The following ZNF74 variants were observed in gnomAD, a reference collection of about 807,000 sequenced individuals.
The protein encoded by ZNF74 is zinc finger protein 74.
ZNF74 carries 12 observed loss-of-function variants against 17.7 expected under a neutral mutation model. The observed-to-expected ratio is 0.68, with a 90% CI of 0.43 to 1.10. The LOEUF (loss-of-function observed/expected upper bound fraction) is 1.10. ZNF74 is among the 50% of genes least tolerant of loss of function. The pLI, the probability that ZNF74 is intolerant of heterozygous loss-of-function variation, is 0.00. For missense variants in ZNF74, 811 were observed against 881.0 expected, an observed-to-expected ratio of 0.92 and a Z score of 1.01; for synonymous variants, 358 against 362.1, an observed-to-expected ratio of 0.99 and a Z score of 0.13.
intron 3 of ZNF74, 176 bp downstream of exon 3, chr22:20,400,934 C>CGGCCACGCCAG (rs2052350342): frequency 6.9e-6 from 5 of 726,072 alleles, no homozygotes; most frequent in Non-Finnish European, 1.1e-5. Context: ...CAGAAGTCCC[C>CGGCCACGCCAG]AAGGGACAGC....
At chr22:20,402,144 T>G (rs1343809597) in intron 4 of ZNF74, among the ~76,000 whole-genome samples, 1 of 152,234 alleles carries the variant, frequency 6.6e-6, no homozygotes, top group Non-Finnish European at 1.5e-5. Context: ...AACACCTTTC[T>G]GTGGGAAAGG....
rs771173712 is a variant in ZNF74 at position 20,406,203 on chromosome 22, C to T, written c.1170C>T (p.Cys390=). The change falls in exon 5 of 5, where the codon TGC becomes TGT. Residue 390 remains cysteine, a synonymous_variant. Transcript: ENST00000400451. ...ACACGGGCGAGAAGCCCTACCAGTG[C>T]GGCTCCTGCGGCAAGGCCTTCACCT... is the stretch of plus-strand genomic sequence containing the variant. The part of the protein sequence containing the change: ...RIHTGEKPYQ[C]GSCGKAFTCH... 10 of 1,613,148 alleles carry T rather than the reference C, an allele frequency of 6.2e-6. No homozygotes were observed. Among genetic ancestry groups the T allele is most frequent in the Non-Finnish European group, 7.6e-6 (9 of 1,179,960 alleles).
chr22:20,394,475 C>T lies in ZNF74; in HGVS notation c.-154C>T. 1.4e-6 allele frequency: 1 copy of T among 729,582 alleles called. No individual in the cohort carries two copies. The highest frequency in any genetic ancestry group is 2.3e-6 in the Non-Finnish European group (1 of 432,578). 45.2% of individuals were successfully genotyped at this position (729,582 alleles called of 1,614,324 possible). A position where few individuals can be genotyped will look rare whatever the true frequency, so the allele number is the denominator to read the frequency against. ...CCGGGCGCGGGGAGGGGGCTCCGTG[C>T]GTGTGATCGTGCAGCTGTGAGCGCG... is the stretch of plus-strand genomic sequence containing the variant. On this transcript the variant is annotated 5_prime_UTR_variant, in exon 1 of 5. Coordinates refer to ENST00000400451, the MANE Select transcript of ZNF74 (RefSeq NM_003426.4).
At position 20,405,399 on chromosome 22, in the gene ZNF74, C is replaced by T. The variant is rs2052402288; in HGVS notation, c.366C>T (p.Pro122=). 6.2e-7 allele frequency: 1 copy of T among 1,610,700 alleles called. No homozygotes were observed. Among genetic ancestry groups the T allele is most frequent in the Non-Finnish European group, 8.5e-7 (1 of 1,179,278 alleles). The part of the protein sequence containing the change: ...PCPEWELKAV[P]SQQQGICKEE... ...CAGAATGGGAGCTGAAGGCGGTGCC[C>T]TCTCAACAGCAGGGCATTTGCAAAG... is the stretch of plus-strand genomic sequence containing the variant. Residue 122 remains proline (P), a synonymous_variant, in exon 5 of 5, where the codon CCC becomes CCT. Coordinates refer to ENST00000400451, the MANE Select transcript of ZNF74 (RefSeq NM_003426.4).
rs776259802 is a variant in ZNF74 at position 20,400,583 on chromosome 22, A to G, written c.121-49A>G. On this transcript the variant is annotated intron_variant, in intron 2 of 4. Transcript: ENST00000400451. ...TTAATCAATCTCTGGCTCCTTTGGA[A>G]CCATGGACACAGAATCAGTCCTGGG... is the stretch of plus-strand genomic sequence containing the variant. 3.7e-6 allele frequency: 6 copies of G among 1,611,878 alleles called. No individual in the cohort carries two copies. The South Asian group carries it at 5.5e-5, about 15-fold the overall frequency.
intron 2 of ZNF74, 58 bp from the exon 3 acceptor site, chr22:20,400,574 T>A (rs2052345251): frequency 1.2e-6 from 2 of 1,611,666 alleles, no homozygotes. Flanking sequence ...AATCTCTGGC[T>A]CCTTTGGAAC....
At chr22:20,402,864 C>T (rs2052374707) in intron 4 of ZNF74, among the ~76,000 whole-genome samples, 1 of 150,742 alleles carries the variant, frequency 6.6e-6, no homozygotes, top group African/African-American at 2.4e-5. Flanking sequence ...CCCAGCTACT[C>T]TGGAGGCTTA....
Position 20,401,416 on chromosome 22 carries a change from T to TGGTG in ZNF74, c.343+46_343+49dup. On this transcript the variant is annotated intron_variant, in intron 4 of 4. Transcript: ENST00000400451. The surrounding 1 kb of genome is among the most constrained non-coding windows in gnomAD (Gnocchi z 4.2). ...GGAAGGGTGCCAGCCCCAGCACCCCTGGTGGCACCTCCTCCTATGGCCCCT... is the reference window on the plus strand; with the variant it reads ...GGAAGGGTGCCAGCCCCAGCACCCCTGGTGGGTGGCACCTCCTCCTATGGCCCCT... The TGGTG allele has an allele frequency of 7.7e-7, 1 of 1,291,142 alleles. No homozygotes were observed. The highest frequency in any genetic ancestry group is 1.1e-6 in the Non-Finnish European group (1 of 909,762). The allele number at this position is 1,291,142 out of a possible 1,614,324, so 80.0% of individuals were successfully genotyped here.
rs2052409208 is a variant in ZNF74, at chr22:20,405,688, G to T, written c.655G>T (p.Ala219Ser). ...AACCAAGGCCCCCGCGAGACTGTGT[G>T]CAGGGGAAAACGCCTCCACGCCAAG... is the stretch of plus-strand genomic sequence containing the variant. ...GRTKAPARLC[A>S]GENASTPSEP... Residue 219 changes from alanine to serine, a missense_variant, in exon 5 of 5, where the codon GCA becomes TCA. Physicochemically the swap from Ala to Ser is moderately conservative, Grantham distance 99 (BLOSUM62 1). Transcript: ENST00000400451. The T allele has an allele frequency of 6.2e-7, 1 of 1,608,702 alleles. No individual in the cohort carries two copies. The highest frequency in any genetic ancestry group is 8.5e-7 in the Non-Finnish European group (1 of 1,177,696).
In ZNF74 at chr22:20,401,239, G is replaced by T. The variant is rs553514925; in HGVS notation, c.248-38G>T. ...CTGTAAGGTCGACTGGGCCTGGAGA[G>T]CTGCAGCATGCCCAGCCCACTTTCT... On this transcript the variant is annotated intron_variant, in intron 3 of 4. Coordinates refer to ENST00000400451, the MANE Select transcript of ZNF74 (RefSeq NM_003426.4). The surrounding 1 kb of genome is among the most constrained non-coding windows in gnomAD (Gnocchi z 4.2). 1.5e-5 allele frequency: 21 copies of T among 1,447,404 alleles called. No individual in the cohort carries two copies. The South Asian group carries it at 2.5e-4, about 17-fold the overall frequency. The allele number at this position is 1,447,404 out of a possible 1,614,324, so 89.7% of individuals were successfully genotyped here. A position where few individuals can be genotyped will look rare whatever the true frequency, so the allele number is the denominator to read the frequency against.
chr22:20,396,295 C>T (rs2052293136), intron 2 of ZNF74, among the ~76,000 whole-genome samples: 1 of 151,756 alleles, frequency 6.6e-6, no homozygotes, highest in African/African-American at 2.4e-5. Context: ...TAGTGTGTCA[C>T]AATGCTTTAT....
chr22:20,396,043 CTG>C lies in ZNF74; in HGVS notation c.120+627_120+628del, dbSNP rs1472880086. ...TCCCTCCTTTTACAGACTGTGAACTCTGTTCCTCATTTTGTTTTTCTACCGCA... is the reference window on the plus strand; with the variant it reads ...TCCCTCCTTTTACAGACTGTGAACTCTTCCTCATTTTGTTTTTCTACCGCA... On this transcript the variant is annotated intron_variant, in intron 2 of 4. Transcript: ENST00000400451. Among the ~76,000 whole-genome samples the C allele has an allele frequency of 2.2e-4, 33 of 152,100 alleles. 1 individual carries two copies. The highest frequency in any genetic ancestry group is 4.4e-4 in the Non-Finnish European group (30 of 68,018).
rs2052269561 is a variant in ZNF74 at position 20,394,546 on chromosome 22, C to A, written c.-83C>A. 2 of 1,450,656 alleles carry A rather than the reference C, an allele frequency of 1.4e-6. No individual in the cohort carries two copies. Among genetic ancestry groups the A allele is most frequent in the Non-Finnish European group, 1.9e-6 (2 of 1,033,872 alleles). The allele number at this position is 1,450,656 out of a possible 1,614,324, so 89.9% of individuals were successfully genotyped here. ...GCTGCAGGCCCCTCAGCCCCAGGAG[C>A]AGTACTCGCTCTTCAGGGCCTGCCC... On this transcript the variant is annotated 5_prime_UTR_variant, in exon 1 of 5. Coordinates refer to ENST00000400451, the MANE Select transcript of ZNF74 (RefSeq NM_003426.4).
chr22:20,400,786 C>T lies in ZNF74; in HGVS notation c.247+28C>T, dbSNP rs199638743. 2,370 of 1,610,218 alleles carry T rather than the reference C, an allele frequency of 1.5e-3. 8 individuals carry two copies. Among genetic ancestry groups the T allele is most frequent in the Non-Finnish European group, 1.8e-3 (2,116 of 1,177,582 alleles). ...AAAATCCCCCCAGCCCCAGGCTGGG[C>T]GTCGGCTGTCAGCCTTCTTCTACAT... On this transcript the variant is annotated intron_variant, in intron 3 of 4. Transcript: ENST00000400451.
intron 2 of ZNF74, chr22:20,399,496 A>C: frequency 3.6e-6 from 1 of 279,012 alleles, no homozygotes. Context: ...CAGTTTGACA[A>C]TCTCCACCTT....
Position 20,406,813 on chromosome 22 carries a change from A to T in ZNF74, c.1780A>T (p.Ser594Cys), listed in dbSNP as rs770365471. ...CATCCAGTTCAACAAACACCTGCTC[A>T]GCACATACTACGTGCCTGGCAGCCT... ...LAIQFNKHLL[S>C]TYYVPGSLLG... The change falls in exon 5 of 5, where the codon AGC becomes TGC. Residue 594 changes from serine to cysteine, a missense_variant. Transcript: ENST00000400451. The T allele has an allele frequency of 2.5e-6, 4 of 1,613,996 alleles. No individual in the cohort carries two copies. In the Admixed American group the frequency reaches 6.7e-5, roughly 27 times the overall value.
At position 20,394,418 on chromosome 22, in the gene ZNF74, T is replaced by A. The variant is rs1426007760; in HGVS notation, c.-211T>A. 6.3e-6 allele frequency: 4 copies of A among 636,066 alleles called. No individual in the cohort carries two copies. The highest frequency in any genetic ancestry group is 3.5e-5 in the South Asian group (2 of 57,868). 39.4% of individuals were successfully genotyped at this position (636,066 alleles called of 1,614,324 possible). A position where few individuals can be genotyped will look rare whatever the true frequency, so the allele number is the denominator to read the frequency against. On this transcript the variant is annotated 5_prime_UTR_variant, in exon 1 of 5. Transcript: ENST00000400451. ...GGCTGAGCCTGGTGTGGGGAGTGGGTATCTGCGGAGCCGGCCTGAACCCCA... is the reference window on the plus strand; with the variant it reads ...GGCTGAGCCTGGTGTGGGGAGTGGGAATCTGCGGAGCCGGCCTGAACCCCA...
chr22:20,400,420 G>A (rs977244853), intron 2 of ZNF74: 4 of 573,252 alleles, frequency 7.0e-6, no homozygotes, highest in Admixed American at 5.5e-5. Context: ...AATCTAGAAG[G>A]TGGTGTGGGA....
In ZNF74 at chr22:20,406,760, G is replaced by A. The variant is rs2052435735; in HGVS notation, c.1727G>A (p.Arg576Lys). The change falls in exon 5 of 5, where the codon AGG becomes AAG. Residue 576 changes from arginine (R) to lysine (K), a missense_variant. Around this residue, in one of 3 missense-constraint regions of ZNF74, gnomAD observed 115 missense variants for 119.5 expected, o/e 0.96. Coordinates refer to ENST00000400451, the MANE Select transcript of ZNF74 (RefSeq NM_003426.4). ...NWSSHLTEHQ[R>K]LHSEGKPLAI... ...AGCTCGCACCTCACTGAGCACCAGA[G>A]GCTGCACAGCGAGGGGAAGCCCTTG... 1.2e-6 allele frequency: 2 copies of A among 1,614,174 alleles called. No individual in the cohort carries two copies. Among genetic ancestry groups the A allele is most frequent in the Non-Finnish European group, 8.5e-7 (1 of 1,180,034 alleles).
Sources: allele counts gnomAD v4.1 joint callset (sites outside exome capture counted in the v4.1 genomes callset), GRCh38; gene constraint gnomAD v4.1.1; regional missense constraint gnomAD v4.1.1; non-coding constraint Gnocchi (gnomAD v3.1); transcripts MANE v1.5; gene names NCBI Gene and HGNC (gene_info 2026-07-23, HGNC 2026-07-21).